KLHL13: variants seen among roughly 807,000 people sequenced by gnomAD.
KLHL13 encodes kelch-like protein 13.
KLHL13 carries 10 observed loss-of-function variants against 37.1 expected under a neutral mutation model. That is an observed-to-expected ratio of 0.27 (90% CI 0.17 to 0.46). The LOEUF (loss-of-function observed/expected upper bound fraction) is 0.46, where lower values mean the gene tolerates loss of function less well. Among genes scored for constraint, KLHL13 ranks in the 20% least tolerant of loss-of-function variants. The probability of loss-of-function intolerance (pLI) is 1.00; values close to 1 mark genes in which losing one functional copy is unlikely to be tolerated. For missense variants in KLHL13, 360 were observed against 509.3 expected, an observed-to-expected ratio of 0.71 and a Z score of 2.82; for synonymous variants, 163 against 181.2, an observed-to-expected ratio of 0.90 and a Z score of 0.81.
At chrX:117,974,400 T>C (rs1048753376), upstream of KLHL13, among the ~76,000 whole-genome samples, 3 of 112,221 alleles carry the variant, frequency 2.7e-5, no homozygotes, top group African/African-American at 9.7e-5. Flanking sequence ...CAAGTCTGTA[T>C]CCAAACAATA....
chrX:117,903,179 C>CAAGAGAGAGA (rs1930238988), intron 5 of KLHL13, among the ~76,000 whole-genome samples: 1 of 92,306 alleles, frequency 1.1e-5, no homozygotes, highest in African/African-American at 4.2e-5. Context: ...GAGAGGAGAG[C>CAAGAGAGAGA]GAGAGAGAGA....
rs143543660 is a variant in KLHL13, at chrX:118,107,649, G to T, written c.-56+8859C>A. Among the ~76,000 whole-genome samples, 420 of 112,021 alleles carry T rather than the reference G, an allele frequency of 3.7e-3. 2 individuals carry two copies. The highest frequency in any genetic ancestry group is 0.013 in the African/African-American group (398 of 30,864). ...ATAGTTTACAAGGGAGATAAACAAG[G>T]CTCAGAGAGGTGAAGCAAGTTGCCC... On this transcript the variant is annotated intron_variant, in intron 1 of 6. Transcript: ENST00000371882.
chrX:118,095,497 A>C (rs2055194418), intron 1 of KLHL13, among the ~76,000 whole-genome samples: 1 of 111,347 alleles, frequency 9.0e-6, no homozygotes, highest in Non-Finnish European at 1.9e-5. Flanking sequence ...CAGAAAGTTA[A>C]CAAGGATATC....
At chrX:117,995,365 A>G (rs2053843158) in intron 1 of KLHL13, among the ~76,000 whole-genome samples, 1 of 111,999 alleles carries the variant, frequency 8.9e-6, no homozygotes, top group Admixed American at 9.5e-5. Flanking sequence ...CACATACCAC[A>G]CTACTGGGTA....
rs1214456469 is a variant in KLHL13 at position 117,920,385 on chromosome X, T to C, written c.241-15A>G. Reference sequence around the variant, plus strand: ...TGGTCAAAGCCCTACAACAAGAACATGAGTTGAGTCACTAATCAAGGTAAA... The same window carrying C: ...TGGTCAAAGCCCTACAACAAGAACACGAGTTGAGTCACTAATCAAGGTAAA... On this transcript the variant is annotated splice_polypyrimidine_tract_variant and intron_variant, in intron 2 of 6. Transcript: ENST00000262820. 15 of 1,197,265 alleles carry C rather than the reference T, an allele frequency of 1.3e-5. No homozygotes were observed. The highest frequency in any genetic ancestry group is 1.6e-5 in the Non-Finnish European group (14 of 890,487).
chrX:118,030,728 C>T (rs1024494122), intron 1 of KLHL13, among the ~76,000 whole-genome samples: 7 of 112,025 alleles, frequency 6.2e-5, no homozygotes, highest in South Asian at 3.8e-4. Context: ...TGTTCTCTCT[C>T]TCCCTCTGCC....
chrX:118,054,074 A>G (rs765509582), intron 1 of KLHL13, among the ~76,000 whole-genome samples: 8 of 111,478 alleles, frequency 7.2e-5, no homozygotes, highest in African/African-American at 2.6e-4. Flanking sequence ...GAGTGAAGAT[A>G]AAAAACTGCT....
At chrX:117,925,736 C>G (rs1305787561) in intron 2 of KLHL13, among the ~76,000 whole-genome samples, 1 of 111,873 alleles carries the variant, frequency 8.9e-6, no homozygotes, top group Non-Finnish European at 1.9e-5. Flanking sequence ...TTATTAGTTC[C>G]CTATATACTC....
chrX:118,011,281 G>T (rs1157531046), intron 1 of KLHL13, among the ~76,000 whole-genome samples: 1 of 109,496 alleles, frequency 9.1e-6, no homozygotes, highest in East Asian at 2.9e-4. Context: ...GGGGAAGGCT[G>T]CAATGCATGC....
intron 3 of KLHL13, 56 bp downstream of exon 4, chrX:117,920,182 A>G: frequency 8.8e-7 from 1 of 1,136,365 alleles, no homozygotes; most frequent in South Asian, 1.9e-5. Flanking sequence ...AAAGATTTAA[A>G]CACGGATTTT....
At chrX:118,039,946 C>A (rs1428054653) in intron 1 of KLHL13, among the ~76,000 whole-genome samples, 1 of 111,425 alleles carries the variant, frequency 9.0e-6, no homozygotes, top group African/African-American at 3.3e-5. Flanking sequence ...ACAAGGGTCT[C>A]TGCCTGGTAA....
intron 1 of KLHL13, among the ~76,000 whole-genome samples, chrX:118,074,325 T>G (rs2054905995): frequency 8.9e-6 from 1 of 112,103 alleles, no homozygotes. Flanking sequence ...TGCATATTTA[T>G]GAGTCTGACC....
intron 1 of KLHL13, among the ~76,000 whole-genome samples, chrX:117,957,195 T>G (rs1440613592): frequency 9.0e-6 from 1 of 111,631 alleles, no homozygotes; most frequent in Non-Finnish European, 1.9e-5. Flanking sequence ...ACCACAGTTC[T>G]TGTCTGTATT....
intron 1 of KLHL13, among the ~76,000 whole-genome samples, chrX:118,035,067 C>T (rs2054418403): frequency 1.0e-5 from 1 of 96,446 alleles, no homozygotes; most frequent in African/African-American, 5.3e-5. Context: ...CTGAATAGAC[C>T]AATAACAGGA....
At chrX:118,104,469 G>T (rs1417456925) in intron 1 of KLHL13, among the ~76,000 whole-genome samples, 1 of 112,136 alleles carries the variant, frequency 8.9e-6, no homozygotes, top group Non-Finnish European at 1.9e-5. Flanking sequence ...TAGCAGTTTT[G>T]TTTTAAATAC....
exon 7 of KLHL13, chrX:117,898,829 C>A: frequency 9.8e-7 from 1 of 1,017,946 alleles, no homozygotes; most frequent in Non-Finnish European, 1.3e-6. Context: ...AACATATATA[C>A]TACTTAAGGG....
chrX:117,964,126 G>A (rs1297858628), intron 1 of KLHL13, among the ~76,000 whole-genome samples: 1 of 101,155 alleles, frequency 9.9e-6, no homozygotes, highest in Non-Finnish European at 2.0e-5. Flanking sequence ...GCACCAGCAT[G>A]GCACATGTAT....
chrX:118,017,215 C>A (rs1353943589), intron 1 of KLHL13, among the ~76,000 whole-genome samples: 1 of 111,111 alleles, frequency 9.0e-6, no homozygotes, highest in African/African-American at 3.3e-5. Flanking sequence ...TGATCCATAC[C>A]TCCCTCTCCT....
At chrX:118,045,241 G>T (rs1457329502) in intron 1 of KLHL13, among the ~76,000 whole-genome samples, 1 of 108,942 alleles carries the variant, frequency 9.2e-6, no homozygotes, top group East Asian at 2.9e-4. Context: ...GGGCATGGTG[G>T]CAGGCGCCTG....
Sources: gnomAD v4.1 joint callset for allele counts (sites outside exome capture counted in the v4.1 genomes callset) on GRCh38, gnomAD v4.1.1 for gene constraint, MANE v1.5 for transcripts, NCBI Gene and HGNC (gene_info 2026-07-23, HGNC 2026-07-21) for gene names.